Variants in LRRC4C observed in about 807,000 individuals in gnomAD.
LRRC4C encodes leucine-rich repeat-containing protein 4C.
A neutral mutation model predicts 33.6 loss-of-function variants in LRRC4C; 5 were observed. The observed-to-expected ratio is 0.15, with a 90% CI of 0.08 to 0.31. LRRC4C has a LOEUF of 0.31. Among genes scored for constraint, LRRC4C ranks in the 10% least tolerant of loss-of-function variants. LRRC4C has a pLI of 1.00. For synonymous variants in LRRC4C, 329 were observed against 302.0 expected (o/e 1.09, Z -0.93); for missense variants, 560 against 796.7 (o/e 0.70, Z 3.58).
Position 41,341,412 on chromosome 11 carries a change from G to T in LRRC4C, c.-496+118019C>A, listed in dbSNP as rs138350678. 4.9e-4 allele frequency among the ~76,000 whole-genome samples: 74 copies of T among 152,198 alleles called. No homozygotes were observed. The East Asian group carries it at 0.014, about 29-fold the overall frequency. ...CATATTGTCTCAGCACCTGAGTATT[G>T]CCCTTCATACTTCACCAATTGTAGT... is the stretch of plus-strand genomic sequence containing the variant. On this transcript the variant is annotated intron_variant, in intron 1 of 6. Coordinates refer to ENST00000528697, the MANE Select transcript of LRRC4C (RefSeq NM_001258419.2).
At chr11:41,311,174 C>T (rs1950633219) in intron 1 of LRRC4C, among the ~76,000 whole-genome samples, 1 of 152,172 alleles carries the variant, frequency 6.6e-6, no homozygotes, top group Admixed American at 6.5e-5. Context: ...TGAAGCTATG[C>T]CGTGCATTAG....
chr11:40,500,625 T>A (rs1954713530), intron 3 of LRRC4C, among the ~76,000 whole-genome samples: 1 of 151,880 alleles, frequency 6.6e-6, no homozygotes, highest in African/African-American at 2.4e-5. Context: ...TCATGAGACT[T>A]ATTCAGTACC....
intron 2 of LRRC4C, among the ~76,000 whole-genome samples, chr11:40,927,153 A>G (rs1352805149): frequency 6.6e-6 from 1 of 152,136 alleles, no homozygotes; most frequent in Non-Finnish European, 1.5e-5. Context: ...AGGCGGGTGG[A>G]CCATGAGGTC....
intron 1 of LRRC4C, among the ~76,000 whole-genome samples, chr11:41,039,207 T>C (rs1003179597): frequency 1.3e-5 from 2 of 152,110 alleles, no homozygotes; most frequent in Non-Finnish European, 2.9e-5. Flanking sequence ...CCAGGTAAAA[T>C]TGATTAACGT....
intron 1 of LRRC4C, among the ~76,000 whole-genome samples, chr11:41,233,090 T>A (rs1483623854): frequency 6.6e-6 from 1 of 152,074 alleles, no homozygotes; most frequent in Admixed American, 6.6e-5. Flanking sequence ...TCTTTAGACA[T>A]TTACTTGATA....
chr11:41,164,433 T>TA (rs1483383658), intron 1 of LRRC4C, among the ~76,000 whole-genome samples: 1 of 152,118 alleles, frequency 6.6e-6, no homozygotes, highest in Non-Finnish European at 1.5e-5. Context: ...ACCTTTTTTT[T>TA]ACATAAGTAA....
rs554392792 is a variant in LRRC4C, at chr11:40,959,935, G to A, written c.-495-26212C>T. ...TTTTGTAAATTTTTATTTTCAATAA[G>A]GAATGCAAGTAATTGTACAATGTTA... is the stretch of plus-strand genomic sequence containing the variant. On this transcript the variant is annotated intron_variant, in intron 1 of 6. Coordinates refer to ENST00000528697, the MANE Select transcript of LRRC4C (RefSeq NM_001258419.2). 9.2e-5 allele frequency among the ~76,000 whole-genome samples: 14 copies of A among 151,746 alleles called. No individual in the cohort carries two copies. The South Asian group carries it at 1.0e-3, about 11-fold the overall frequency.
intron 3 of LRRC4C, among the ~76,000 whole-genome samples, chr11:40,533,314 A>C (rs1793236270): frequency 6.6e-6 from 1 of 152,178 alleles, no homozygotes; most frequent in African/African-American, 2.4e-5. Context: ...CAGTAGGGAT[A>C]ACTTATGTTC....
intron 1 of LRRC4C, among the ~76,000 whole-genome samples, chr11:41,017,131 C>A (rs2137616501): frequency 6.6e-6 from 1 of 152,146 alleles, no homozygotes; most frequent in African/African-American, 2.4e-5. Context: ...TGAACAAGAG[C>A]AAAAATAAAA....
Position 40,247,540 on chromosome 11 carries a change from G to A in LRRC4C, c.-175-5942C>T, listed in dbSNP as rs572379050. Among the ~76,000 whole-genome samples, 6 of 152,340 alleles carry A rather than the reference G, an allele frequency of 3.9e-5. 1 individual carries two copies. In the East Asian group the frequency reaches 9.6e-4, roughly 24 times the overall value. On this transcript the variant is annotated intron_variant, in intron 4 of 6. Coordinates refer to ENST00000528697, the MANE Select transcript of LRRC4C (RefSeq NM_001258419.2). ...AAAAAGAAGAAAATGGAAGCAAAAT[G>A]AGATTCTATCACTTATCAAAAATCA...
At chr11:40,250,826 C>T (rs932487915) in intron 4 of LRRC4C, among the ~76,000 whole-genome samples, 2 of 152,128 alleles carry the variant, frequency 1.3e-5, no homozygotes, top group African/African-American at 4.8e-5. Flanking sequence ...TTTCTGTAGA[C>T]TAGCTAACCA....
At chr11:41,395,534 G>A (rs1953775296) in intron 1 of LRRC4C, among the ~76,000 whole-genome samples, 1 of 151,940 alleles carries the variant, frequency 6.6e-6, no homozygotes, top group Non-Finnish European at 1.5e-5. Context: ...GAAATCATTA[G>A]TGTCTTAAAT....
intron 1 of LRRC4C, among the ~76,000 whole-genome samples, chr11:41,134,194 T>C (rs1943151299): frequency 1.3e-5 from 2 of 152,116 alleles, no homozygotes; most frequent in South Asian, 4.1e-4. Flanking sequence ...AACCCTAGGC[T>C]CAAGCAATCC....
chr11:41,243,080 A>C (rs1287872913), intron 1 of LRRC4C, among the ~76,000 whole-genome samples: 1 of 152,186 alleles, frequency 6.6e-6, no homozygotes, highest in Non-Finnish European at 1.5e-5. Context: ...TCAGGCATCA[A>C]AGTTTATGTC....
chr11:40,423,648 A>G lies in LRRC4C; in HGVS notation c.-269-103927T>C, dbSNP rs544131752. On this transcript the variant is annotated intron_variant, in intron 3 of 6. Coordinates refer to ENST00000528697, the MANE Select transcript of LRRC4C (RefSeq NM_001258419.2). ...CGTGAGCCACCGCGTCCGGCTGTTC[A>G]TGTTCTTAATGATCATGTCTTCACA... Among the ~76,000 whole-genome samples the G allele has an allele frequency of 2.0e-5, 3 of 152,172 alleles. No individual in the cohort carries two copies. In the South Asian group the frequency reaches 6.2e-4, roughly 32 times the overall value.
chr11:41,056,736 G>A (rs1232097605), intron 1 of LRRC4C, among the ~76,000 whole-genome samples: 1 of 152,202 alleles, frequency 6.6e-6, no homozygotes, highest in Non-Finnish European at 1.5e-5. Context: ...CAGTCAGAGT[G>A]GCTAATATTA....
At chr11:40,810,149 G>A (rs1224055965) in intron 2 of LRRC4C, among the ~76,000 whole-genome samples, 5 of 152,140 alleles carry the variant, frequency 3.3e-5, no homozygotes, top group Non-Finnish European at 2.9e-5. Flanking sequence ...AATCACTATT[G>A]TTCAGGTTAC....
Position 41,228,352 on chromosome 11 carries a change from G to A in LRRC4C, c.-496+231079C>T, listed in dbSNP as rs531174911. Among the ~76,000 whole-genome samples the A allele has an allele frequency of 7.9e-5, 12 of 151,980 alleles. No homozygotes were observed. In the East Asian group the frequency reaches 2.3e-3, roughly 29 times the overall value. On this transcript the variant is annotated intron_variant, in intron 1 of 6. Transcript: ENST00000528697. Reference sequence around the variant, plus strand: ...TTTTATGAGATTTTTTCCCCATTTGGATTCATCCTTGAATTGAAGTTTAGC... The same window carrying A: ...TTTTATGAGATTTTTTCCCCATTTGAATTCATCCTTGAATTGAAGTTTAGC...
At chr11:40,882,353 T>C (rs1327533296) in intron 2 of LRRC4C, among the ~76,000 whole-genome samples, 1 of 152,126 alleles carries the variant, frequency 6.6e-6, no homozygotes, top group Non-Finnish European at 1.5e-5. Context: ...TTAATCATTA[T>C]GCCAAGTTGA....
Sources: allele counts gnomAD v4.1 joint callset (sites outside exome capture counted in the v4.1 genomes callset), GRCh38; gene constraint gnomAD v4.1.1; transcripts MANE v1.5; gene names NCBI Gene and HGNC (gene_info 2026-07-23, HGNC 2026-07-21).